The following NTNG1 variants were observed in gnomAD, a reference collection of about 807,000 sequenced individuals.
NTNG1 encodes the protein netrin-G1.
A neutral mutation model predicts 54.0 loss-of-function variants in NTNG1; 16 were observed. That is an observed-to-expected ratio of 0.30 (90% CI 0.20 to 0.45). The LOEUF (loss-of-function observed/expected upper bound fraction) is 0.45, where lower values mean the gene tolerates loss of function less well. Ranked by LOEUF, NTNG1 falls within the 20% of genes least tolerant of loss-of-function variation. NTNG1 has a pLI of 1.00. For missense variants in NTNG1, 530 were observed against 678.7 expected (o/e 0.78, Z 2.43); for synonymous variants, 255 against 263.1 (o/e 0.97, Z 0.30).
intron 4 of NTNG1, among the ~76,000 whole-genome samples, chr1:107,405,976 C>G (rs1179143024): frequency 1.3e-5 from 2 of 152,114 alleles, no homozygotes; most frequent in Non-Finnish European, 2.9e-5. Context: ...TCACGTTCAG[C>G]TTGAAATTCA....
chr1:107,404,887 A>G (rs1673304632), intron 4 of NTNG1, among the ~76,000 whole-genome samples: 1 of 152,180 alleles, frequency 6.6e-6, no homozygotes, highest in African/African-American at 2.4e-5. Context: ...AGAGAATGCT[A>G]AAAAACTGCC....
intron 2 of NTNG1, among the ~76,000 whole-genome samples, chr1:107,308,719 A>T (rs900730058): frequency 2.0e-5 from 3 of 152,182 alleles, no homozygotes; most frequent in Non-Finnish European, 4.4e-5. Flanking sequence ...TAGAAATAGC[A>T]CTGCATCTGT....
intron 2 of NTNG1, among the ~76,000 whole-genome samples, chr1:107,189,350 C>CAAA (rs34104583): frequency 0.047 from 5,270 of 113,198 alleles, 402 homozygotes; most frequent in African/African-American, 0.12. Flanking sequence ...GACCTTGTCT[C>CAAA]AAAAAAAAAA....
At chr1:107,251,784 C>G (rs1434514028) in intron 2 of NTNG1, among the ~76,000 whole-genome samples, 2 of 152,140 alleles carry the variant, frequency 1.3e-5, no homozygotes, top group Non-Finnish European at 2.9e-5. Flanking sequence ...CTTACTGTTG[C>G]CACTGACCTC....
chr1:107,218,976 C>G (rs1660153955), intron 2 of NTNG1, among the ~76,000 whole-genome samples: 1 of 152,056 alleles, frequency 6.6e-6, no homozygotes. Flanking sequence ...AAATTTTCCT[C>G]GATTATAGCT....
chr1:107,392,519 A>G (rs945319321), intron 3 of NTNG1, among the ~76,000 whole-genome samples: 1 of 151,914 alleles, frequency 6.6e-6, no homozygotes, highest in African/African-American at 2.4e-5. Context: ...CAGAGGGGAG[A>G]GTGTCAGGGG....
intron 3 of NTNG1, among the ~76,000 whole-genome samples, chr1:107,385,792 G>C (rs556903138): frequency 1.3e-4 from 20 of 149,096 alleles, no homozygotes; most frequent in African/African-American, 4.2e-4. Context: ...TTTATCCACT[G>C]TTTTCTATTC....
chr1:107,240,037 G>A (rs1661715240), intron 2 of NTNG1, among the ~76,000 whole-genome samples: 1 of 152,164 alleles, frequency 6.6e-6, no homozygotes, highest in African/African-American at 2.4e-5. Flanking sequence ...CACAGACATA[G>A]AACATTTCTA....
chr1:107,380,033 C>G (rs1020742656), intron 3 of NTNG1, among the ~76,000 whole-genome samples: 1 of 152,164 alleles, frequency 6.6e-6, no homozygotes, highest in Non-Finnish European at 1.5e-5. Flanking sequence ...ACTTGACTGG[C>G]CAAGCATCAA....
At chr1:107,329,807 T>G (rs1225160119) in intron 3 of NTNG1, among the ~76,000 whole-genome samples, 1 of 150,386 alleles carries the variant, frequency 6.6e-6, no homozygotes, top group Non-Finnish European at 1.5e-5. Flanking sequence ...GGACAGATGC[T>G]GGCTTTGATG....
chr1:107,177,371 G>A (rs992175744), intron 2 of NTNG1, among the ~76,000 whole-genome samples: 3 of 150,786 alleles, frequency 2.0e-5, no homozygotes, highest in Non-Finnish European at 4.4e-5. Flanking sequence ...GTCTTGCTCT[G>A]TCACCCAGGC....
chr1:107,237,738 C>T (rs1661509888), intron 2 of NTNG1, among the ~76,000 whole-genome samples: 1 of 152,176 alleles, frequency 6.6e-6, no homozygotes, highest in African/African-American at 2.4e-5. Flanking sequence ...AACCCCAAGT[C>T]TTGGCAGCTT....
chr1:107,352,656 C>T (rs927608869), intron 3 of NTNG1, among the ~76,000 whole-genome samples: 4 of 152,206 alleles, frequency 2.6e-5, no homozygotes, highest in East Asian at 3.8e-4. Flanking sequence ...AGTCCAAAAC[C>T]CAACATAGTA....
chr1:107,472,368 C>A (rs1359205318), intron 7 of NTNG1, among the ~76,000 whole-genome samples: 1 of 152,178 alleles, frequency 6.6e-6, no homozygotes, highest in Non-Finnish European at 1.5e-5. Flanking sequence ...TCATGCAAAT[C>A]ATAAAACTTG....
At chr1:107,166,386 A>G (rs574483249) in intron 2 of NTNG1, among the ~76,000 whole-genome samples, 1 of 152,178 alleles carries the variant, frequency 6.6e-6, no homozygotes, top group Non-Finnish European at 1.5e-5. Flanking sequence ...GTGTTTCCCA[A>G]TACATAATAT....
At chr1:107,251,515 A>T (rs1662606306) in intron 2 of NTNG1, among the ~76,000 whole-genome samples, 1 of 152,154 alleles carries the variant, frequency 6.6e-6, no homozygotes, top group Non-Finnish European at 1.5e-5. Flanking sequence ...TAGTTAACAA[A>T]TTGGTCAACA....
At chr1:107,403,208 C>T (rs908655234) in intron 4 of NTNG1, among the ~76,000 whole-genome samples, 18 of 152,092 alleles carry the variant, frequency 1.2e-4, no homozygotes, top group African/African-American at 3.9e-4. Flanking sequence ...TTAAAACAAA[C>T]GTAAGTGGGA....
intron 4 of NTNG1, among the ~76,000 whole-genome samples, chr1:107,398,995 C>T (rs1299860106): frequency 6.6e-6 from 1 of 152,142 alleles, no homozygotes; most frequent in Non-Finnish European, 1.5e-5. Flanking sequence ...TTAATAATCA[C>T]TATGTAGGAA....
In NTNG1 at chr1:107,482,081, A is replaced by AAAAAAAAAAAC. The variant is rs1678760533; in HGVS notation, c.*1242_*1243insAAAAAAAAACA. ...AAAAAAAAAAAAAAAAAAAAAAAAA[A>AAAAAAAAAAAC]ATCTAAGTGATTGCCAAGATTATGC... On this transcript the variant is annotated 3_prime_UTR_variant, in exon 8 of 8. Coordinates refer to ENST00000370068, the MANE Select transcript of NTNG1 (RefSeq NM_001113226.3). 6.8e-6 allele frequency: 1 copy of AAAAAAAAAAAC among 146,762 alleles called. No individual in the cohort carries two copies. The highest frequency in any genetic ancestry group is 1.5e-5 in the Non-Finnish European group (1 of 66,694). 9.1% of individuals were successfully genotyped at this position (146,762 alleles called of 1,614,324 possible).
Sources: allele counts gnomAD v4.1 joint callset (sites outside exome capture counted in the v4.1 genomes callset), GRCh38; gene constraint gnomAD v4.1.1; transcripts MANE v1.5; gene names NCBI Gene and HGNC (gene_info 2026-07-23, HGNC 2026-07-21).